The following PPP4R4 variants were observed in gnomAD, a reference collection of about 807,000 sequenced individuals.
PPP4R4 encodes the protein serine/threonine-protein phosphatase 4 regulatory subunit 4.
PPP4R4 carries 70 observed loss-of-function variants against 121.8 expected under a neutral mutation model. The ratio of observed to expected loss-of-function variants is 0.57; its 90% CI spans 0.47 to 0.70. The LOEUF is 0.70. PPP4R4 is among the 30% of genes least tolerant of loss of function. PPP4R4 has a pLI of 0.00. For synonymous variants in PPP4R4, 348 were observed against 355.7 expected, an observed-to-expected ratio of 0.98 and a Z score of 0.24; for missense variants, 875 against 1,033.6, an observed-to-expected ratio of 0.85 and a Z score of 2.10.
chr14:94,246,660 A>G, intron 14 of PPP4R4, 121 bp downstream of exon 14: 1 of 1,117,438 alleles, frequency 8.9e-7, no homozygotes, highest in South Asian at 1.7e-5. Context: ...ACCTAGGAGG[A>G]TGTCAGCTTC....
At chr14:94,245,928 A>G (rs1384206296) in intron 13 of PPP4R4, among the ~76,000 whole-genome samples, 2 of 152,134 alleles carry the variant, frequency 1.3e-5, no homozygotes, top group Non-Finnish European at 2.9e-5. Flanking sequence ...TTTCATTAGC[A>G]TTAATGATTA....
intron 2 of PPP4R4, among the ~76,000 whole-genome samples, chr14:94,179,607 A>T (rs917060645): frequency 6.6e-6 from 1 of 152,100 alleles, no homozygotes; most frequent in African/African-American, 2.4e-5. Flanking sequence ...CTTTCAATAT[A>T]TCCTTATCCA....
Position 94,278,756 on chromosome 14 carries a change from TTGTTG to T in PPP4R4, c.*115_*119del. Reference sequence around the variant, plus strand: ...GTTTTTAAATTTTGGGTTTTTTTTTTTGTTGTTGTTAATGAGCAGAAAGAGAGACA... The same window carrying T: ...GTTTTTAAATTTTGGGTTTTTTTTTTTTGTTAATGAGCAGAAAGAGAGACA... On this transcript the variant is annotated 3_prime_UTR_variant, in exon 25 of 25. Coordinates refer to ENST00000304338, the MANE Select transcript of PPP4R4 (RefSeq NM_058237.2). 2 of 1,105,624 alleles carry T rather than the reference TTGTTG, an allele frequency of 1.8e-6. No homozygotes were observed. The highest frequency in any genetic ancestry group is 4.6e-5 in the South Asian group (2 of 43,858). The allele number at this position is 1,105,624 out of a possible 1,614,324, so 68.5% of individuals were successfully genotyped here.
At chr14:94,247,546 T>C (rs1374013201) in intron 14 of PPP4R4, among the ~76,000 whole-genome samples, 1 of 152,158 alleles carries the variant, frequency 6.6e-6, no homozygotes, top group Non-Finnish European at 1.5e-5. Flanking sequence ...GAGGAAGTGT[T>C]CCTGTTTAAC....
chr14:94,200,022 G>T (rs961197347), intron 2 of PPP4R4, among the ~76,000 whole-genome samples: 1 of 152,078 alleles, frequency 6.6e-6, no homozygotes, highest in African/African-American at 2.4e-5. Flanking sequence ...ACAGGCCCAG[G>T]GGTGGTACCC....
At chr14:94,217,576 G>A (rs1891092572) in intron 3 of PPP4R4, among the ~76,000 whole-genome samples, 1 of 152,146 alleles carries the variant, frequency 6.6e-6, no homozygotes, top group Non-Finnish European at 1.5e-5. Context: ...CCAGATATTG[G>A]AAGTATTAGA....
intron 3 of PPP4R4, among the ~76,000 whole-genome samples, chr14:94,223,273 A>G (rs920394533): frequency 6.6e-6 from 1 of 152,130 alleles, no homozygotes; most frequent in African/African-American, 2.4e-5. Flanking sequence ...CTTGTATTTG[A>G]CAAATTATTT....
intron 3 of PPP4R4, among the ~76,000 whole-genome samples, chr14:94,223,114 C>G (rs1891505392): frequency 6.6e-6 from 1 of 152,060 alleles, no homozygotes; most frequent in African/African-American, 2.4e-5. Context: ...TGTTGAAATC[C>G]TCAATTGTAT....
At chr14:94,226,231 G>T (rs561490597) in intron 3 of PPP4R4, among the ~76,000 whole-genome samples, 170 of 152,214 alleles carry the variant, frequency 1.1e-3, no homozygotes, top group African/African-American at 3.7e-3. Flanking sequence ...CTTATGATTT[G>T]CATGGCAGCA....
At chr14:94,180,236 C>T (rs1428503505) in intron 2 of PPP4R4, among the ~76,000 whole-genome samples, 2 of 152,148 alleles carry the variant, frequency 1.3e-5, no homozygotes, top group African/African-American at 4.8e-5. Flanking sequence ...ATTAATTTTG[C>T]CTTCCAATAA....
intron 2 of PPP4R4, among the ~76,000 whole-genome samples, chr14:94,179,112 A>G (rs1421910592): frequency 6.8e-6 from 1 of 147,246 alleles, no homozygotes. Flanking sequence ...TTTAAACTGT[A>G]CAGTTAAGTG....
rs746040510 is a variant in PPP4R4 at position 94,176,067 on chromosome 14, T to C, written c.131T>C (p.Ile44Thr). The change falls in exon 2 of 25, where the codon ATA (isoleucine) becomes ACA (threonine). Residue 44 changes from isoleucine (I) to threonine (T), a missense_variant. Physicochemically the swap from Ile to Thr is moderately conservative, Grantham distance 89. Transcript: ENST00000304338. Reference sequence around the variant, plus strand: ...TACCCTTGACAGACACCGGAAGAAATAGAAAGATTGACAGTCGATGAAGAC... The same window carrying C: ...TACCCTTGACAGACACCGGAAGAAACAGAAAGATTGACAGTCGATGAAGAC... ...VRRSLKTPEE[I>T]ERLTVDEDLS... The C allele has an allele frequency of 1.2e-6, 2 of 1,612,516 alleles. No homozygotes were observed. Among genetic ancestry groups the C allele is most frequent in the Non-Finnish European group, 1.7e-6 (2 of 1,178,510 alleles).
chr14:94,200,668 A>T (rs1344461983), intron 2 of PPP4R4, among the ~76,000 whole-genome samples: 3 of 151,748 alleles, frequency 2.0e-5, no homozygotes, highest in Non-Finnish European at 4.4e-5. Context: ...TTTCTGTGGT[A>T]TTGGTTGTGA....
chr14:94,261,450 T>A (rs1340160612), intron 19 of PPP4R4, among the ~76,000 whole-genome samples: 1 of 152,112 alleles, frequency 6.6e-6, no homozygotes, highest in African/African-American at 2.4e-5. Context: ...ATTTGTTTAT[T>A]CTAAAAATTG....
At position 94,265,833 on chromosome 14, in the gene PPP4R4, C is replaced by T; in HGVS notation, c.2324C>T (p.Ser775Phe). 2 of 1,610,214 alleles carry T rather than the reference C, an allele frequency of 1.2e-6. No individual in the cohort carries two copies. The highest frequency in any genetic ancestry group is 1.7e-6 in the Non-Finnish European group (2 of 1,177,450). ...AAATCCAAACTGATTCGAAGCCAGT[C>T]TTTTAATAATCAAGCTTTTCATGCA... ...IKKSKLIRSQSFNNQAFHAKY... is the reference protein window; with the variant it reads ...IKKSKLIRSQFFNNQAFHAKY... Residue 775 changes from serine to phenylalanine, a missense_variant, in exon 22 of 25, where the codon TCT becomes TTT. By Grantham distance (155) the Ser-to-Phe change is radical. Coordinates refer to ENST00000304338, the MANE Select transcript of PPP4R4 (RefSeq NM_058237.2).
At chr14:94,182,142 C>T (rs1889027564) in intron 2 of PPP4R4, among the ~76,000 whole-genome samples, 1 of 152,128 alleles carries the variant, frequency 6.6e-6, no homozygotes, top group Non-Finnish European at 1.5e-5. Context: ...TCTTGATATT[C>T]CTCTCCTGTC....
chr14:94,244,390 T>C (rs1387864273), intron 11 of PPP4R4, among the ~76,000 whole-genome samples: 1 of 152,210 alleles, frequency 6.6e-6, no homozygotes, highest in Non-Finnish European at 1.5e-5. Context: ...ATGACTCTGG[T>C]AAATCCCATT....
chr14:94,182,942 T>C (rs566707303), intron 2 of PPP4R4, among the ~76,000 whole-genome samples: 9 of 152,194 alleles, frequency 5.9e-5, no homozygotes, highest in Admixed American at 4.6e-4. Flanking sequence ...GTGACAAACT[T>C]CTAGTACATA....
intron 2 of PPP4R4, among the ~76,000 whole-genome samples, chr14:94,195,377 G>A (rs182163909): frequency 1.2e-4 from 19 of 152,298 alleles, no homozygotes; most frequent in Middle Eastern, 3.4e-3. Context: ...GCTGAAGTTT[G>A]AGAACCGCTG....
Sources: allele counts gnomAD v4.1 joint callset (sites outside exome capture counted in the v4.1 genomes callset), GRCh38; gene constraint gnomAD v4.1.1; transcripts MANE v1.5; gene names NCBI Gene and HGNC (gene_info 2026-07-23, HGNC 2026-07-21).